TSPAN12: variants seen among roughly 807,000 people sequenced by gnomAD.
TSPAN12 encodes the protein tetraspanin 12, also known as tetraspanin-12.
TSPAN12 carries 19 observed loss-of-function variants against 39.2 expected under a neutral mutation model. The observed-to-expected ratio is 0.49, with a 90% CI of 0.34 to 0.71. The LOEUF (loss-of-function observed/expected upper bound fraction) is 0.71. Among genes scored for constraint, TSPAN12 ranks in the 30% least tolerant of loss-of-function variants. The pLI is 0.01. For synonymous variants in TSPAN12, 119 were observed against 124.8 expected (o/e 0.95, Z 0.31); for missense variants, 314 against 359.9 (o/e 0.87, Z 1.03).
rs10585886 is a variant in TSPAN12 at position 120,842,448 on chromosome 7, TAAA to T, written c.67-2342_67-2340del. ...CACAAAGAAGACAATTACAAACTGT[TAAA>T]AAAAAAAAAAAAAAAGTGCCCTGAA... is the stretch of plus-strand genomic sequence containing the variant. On this transcript the variant is annotated intron_variant, in intron 2 of 7. Coordinates refer to ENST00000222747, the MANE Select transcript of TSPAN12 (RefSeq NM_012338.4). 2.2e-3 allele frequency among the ~76,000 whole-genome samples: 283 copies of T among 130,726 alleles called. 1 individual carries two copies. Among genetic ancestry groups the T allele is most frequent in the South Asian group, 0.011 (43 of 3,922 alleles). 85.8% of individuals were successfully genotyped at this position (130,726 alleles called of 152,430 possible). A position where few individuals can be genotyped will look rare whatever the true frequency, so the allele number is the denominator to read the frequency against.
chr7:120,799,524 TTA>T (rs1793704069), intron 7 of TSPAN12, among the ~76,000 whole-genome samples: 2 of 116,046 alleles, frequency 1.7e-5, no homozygotes, highest in Non-Finnish European at 3.3e-5. Context: ...ATATAATTAA[TTA>T]TATATAATTA....
At chr7:120,853,471 G>GAT (rs375897054) in intron 2 of TSPAN12, among the ~76,000 whole-genome samples, 5,920 of 137,958 alleles carry the variant, frequency 0.043, 205 homozygotes, top group African/African-American at 0.097. Flanking sequence ...AAGAAATGCA[G>GAT]ATATATATAT....
At chr7:120,821,485 A>C (rs1034022703) in intron 4 of TSPAN12, among the ~76,000 whole-genome samples, 4 of 152,020 alleles carry the variant, frequency 2.6e-5, no homozygotes, top group African/African-American at 9.7e-5. Context: ...TAAAAAATAG[A>C]CCTGGCTTCA....
intron 3 of TSPAN12, among the ~76,000 whole-genome samples, chr7:120,839,229 G>A (rs375985947): frequency 3.3e-5 from 5 of 152,238 alleles, no homozygotes; most frequent in African/African-American, 1.2e-4. Flanking sequence ...CTTAGCCTAA[G>A]TAAATCACAT....
chr7:120,804,981 ACC>A (rs897857328), intron 7 of TSPAN12, among the ~76,000 whole-genome samples: 19 of 152,060 alleles, frequency 1.2e-4, no homozygotes, highest in African/African-American at 4.3e-4. Flanking sequence ...GAAGGAATCA[ACC>A]CTGCTGACAC....
At chr7:120,790,980 A>G (rs1443335033) in intron 7 of TSPAN12, among the ~76,000 whole-genome samples, 1 of 152,176 alleles carries the variant, frequency 6.6e-6, no homozygotes, top group Non-Finnish European at 1.5e-5. Flanking sequence ...TTAGTGAATA[A>G]TTAGCATGAA....
chr7:120,809,831 T>A (rs965541661), intron 6 of TSPAN12, among the ~76,000 whole-genome samples: 2 of 152,158 alleles, frequency 1.3e-5, no homozygotes, highest in African/African-American at 4.8e-5. Context: ...CACCTATACT[T>A]TGTAATGTTA....
At position 120,810,134 on chromosome 7, in the gene TSPAN12, G is replaced by A. The variant is rs1793950505; in HGVS notation, c.468+329C>T. 2.6e-5 allele frequency among the ~76,000 whole-genome samples: 4 copies of A among 152,028 alleles called. No individual in the cohort carries two copies. The South Asian group carries it at 8.3e-4, about 32-fold the overall frequency. On this transcript the variant is annotated intron_variant, in intron 6 of 7. Transcript: ENST00000222747. ...AAATATTGAGAGCTCTAAAAGTCAT[G>A]AAAAAATCTATTTGTCTGGAACTTG...
chr7:120,856,712 T>C lies in TSPAN12; in HGVS notation c.52A>G (p.Asn18Asp). 6.2e-7 allele frequency: 1 copy of C among 1,614,196 alleles called. No individual in the cohort carries two copies. The highest frequency in any genetic ancestry group is 1.1e-5 in the South Asian group (1 of 91,084). Residue 18 changes from asparagine to aspartate, a missense_variant, in exon 2 of 8, where the codon AAT becomes GAT. Asn to Asp is a conservative substitution (Grantham distance 23). Transcript: ENST00000222747. The part of the protein sequence containing the change: ...KCLRCLLYAL[N>D]LLFWLMSISV... Reference sequence around the variant, plus strand: ...AACTTACTTACCCAAAAGAGCAGATTGAGGGCGTAGAGCAGGCAGCGCAGA... The same window carrying C: ...AACTTACTTACCCAAAAGAGCAGATCGAGGGCGTAGAGCAGGCAGCGCAGA...
intron 6 of TSPAN12, among the ~76,000 whole-genome samples, chr7:120,808,798 T>C (rs1793923412): frequency 6.6e-6 from 1 of 152,046 alleles, no homozygotes. Context: ...ATACAGGTTA[T>C]TCTAGAATTG....
At chr7:120,848,450 T>TA (rs1245863812) in intron 2 of TSPAN12, among the ~76,000 whole-genome samples, 1 of 152,146 alleles carries the variant, frequency 6.6e-6, no homozygotes, top group Non-Finnish European at 1.5e-5. Flanking sequence ...GATAAGCTGT[T>TA]AGAGATTTTT....
intron 3 of TSPAN12, among the ~76,000 whole-genome samples, 167 bp from the exon 4 acceptor site, chr7:120,839,079 T>C (rs1794531841): frequency 6.6e-6 from 1 of 152,236 alleles, no homozygotes; most frequent in Admixed American, 6.5e-5. Flanking sequence ...TGTTTTTATG[T>C]TTATTTGCTC....
chr7:120,852,986 T>C (rs1349065648), intron 2 of TSPAN12, among the ~76,000 whole-genome samples: 1 of 152,184 alleles, frequency 6.6e-6, no homozygotes, highest in East Asian at 1.9e-4. Context: ...GACTTGGTAA[T>C]GATAGGATCT....
chr7:120,838,988 G>T lies in TSPAN12; in HGVS notation c.150-76C>A, dbSNP rs111640790. 1.4e-4 allele frequency: 207 copies of T among 1,442,306 alleles called. 1 individual carries two copies. In the African/African-American group the frequency reaches 2.6e-3, roughly 18 times the overall value. The allele number at this position is 1,442,306 out of a possible 1,614,324, so 89.3% of individuals were successfully genotyped here. On this transcript the variant is annotated intron_variant, in intron 3 of 7. Coordinates refer to ENST00000222747, the MANE Select transcript of TSPAN12 (RefSeq NM_012338.4). ...CCAAGACATAGCAGAAGACACAACT[G>T]TGATTTGTGTTAATAATTCTTTCAA...
intron 2 of TSPAN12, among the ~76,000 whole-genome samples, chr7:120,854,215 T>C (rs1794825973): frequency 6.6e-6 from 1 of 152,238 alleles, no homozygotes; most frequent in African/African-American, 2.4e-5. Context: ...GGGTAATTAC[T>C]GCTTTTATTT....
chr7:120,815,362 C>T (rs151285433), intron 5 of TSPAN12, among the ~76,000 whole-genome samples: 1 of 152,214 alleles, frequency 6.6e-6, no homozygotes, highest in African/African-American at 2.4e-5. Context: ...TCCCCCTATC[C>T]CCACATATCA....
chr7:120,821,363 G>C (rs1347789317), intron 4 of TSPAN12, among the ~76,000 whole-genome samples: 1 of 151,324 alleles, frequency 6.6e-6, no homozygotes, highest in Admixed American at 6.6e-5. Flanking sequence ...TCAAAGATGA[G>C]TGCCTTCATA....
At chr7:120,857,068 G>A (rs116099926) in intron 1 of TSPAN12, 227 of 475,164 alleles carry the variant, frequency 4.8e-4, no homozygotes, top group African/African-American at 4.3e-3. Context: ...GCAACTATCC[G>A]GATGAATGAA....
At chr7:120,801,882 C>A (rs1428815270) in intron 7 of TSPAN12, among the ~76,000 whole-genome samples, 2 of 152,080 alleles carry the variant, frequency 1.3e-5, no homozygotes, top group Non-Finnish European at 2.9e-5. Context: ...AGCTATGGCT[C>A]TTATTTCCTG....
Sources: allele counts gnomAD v4.1 joint callset (sites outside exome capture counted in the v4.1 genomes callset), GRCh38; gene constraint gnomAD v4.1.1; transcripts MANE v1.5; gene names NCBI Gene and HGNC (gene_info 2026-07-23, HGNC 2026-07-21).